Variants in DENND6B observed in about 807,000 individuals in gnomAD.
DENND6B encodes protein DENND6B.
In DENND6B, 73 loss-of-function variants were observed where a neutral mutation model predicts 85.1. That is an observed-to-expected ratio of 0.86 (90% CI 0.71 to 1.04). The LOEUF is 1.04. Ranked by LOEUF, DENND6B falls within the 50% of genes least tolerant of loss-of-function variation. The pLI, the probability that DENND6B is intolerant of heterozygous loss-of-function variation, is 0.00. For synonymous variants in DENND6B, 357 were observed against 329.3 expected, an observed-to-expected ratio of 1.08 and a Z score of -0.91; for missense variants, 715 against 785.8, an observed-to-expected ratio of 0.91 and a Z score of 1.08.
intron 13 of DENND6B, 55 bp from the exon 14 acceptor site, chr22:50,313,933 C>T (rs1248047154): frequency 1.3e-5 from 20 of 1,539,756 alleles, no homozygotes; most frequent in Non-Finnish European, 1.7e-5. Context: ...CTCCCACACT[C>T]CTGCAGCCCC....
rs189935277 is a variant in DENND6B, at chr22:50,319,726, A to G, written c.178-723T>C. 1.2e-4 allele frequency among the ~76,000 whole-genome samples: 18 copies of G among 152,036 alleles called. 1 individual carries two copies. The highest frequency in any genetic ancestry group is 3.4e-3 in the Middle Eastern group (1 of 294). ...CCAGCCTTTGCTCAGATGCAGGCCC[A>G]GAAGCACCCCTGCCCCATGATGGCA... On this transcript the variant is annotated intron_variant, in intron 1 of 19. Coordinates refer to ENST00000413817, the MANE Select transcript of DENND6B (RefSeq NM_001001794.4).
chr22:50,313,753 C>T, intron 14 of DENND6B, 29 bp from the exon 15 acceptor site: 1 of 1,606,980 alleles, frequency 6.2e-7, no homozygotes, highest in Non-Finnish European at 8.5e-7. Context: ...CAGGCCCTTG[C>T]TGCGCTTCAC....
rs1201206697 is a variant in DENND6B, at chr22:50,309,065, T to G, written c.*3074A>C. On this transcript the variant is annotated 3_prime_UTR_variant, in exon 20 of 20. Coordinates refer to ENST00000413817, the MANE Select transcript of DENND6B (RefSeq NM_001001794.4). The stretch of plus-strand genomic sequence containing the variant: ...AAAGGACATTTTAATACCAAAACTG[T>G]GGGAAGGCCACTGTTCTAGACTAAA... 6.6e-6 allele frequency: 1 copy of G among 152,194 alleles called. No homozygotes were observed. Among genetic ancestry groups the G allele is most frequent in the Non-Finnish European group, 1.5e-5 (1 of 68,048 alleles). The allele number at this position is 152,194 out of a possible 1,614,324, so 9.4% of individuals were successfully genotyped here.
Position 50,313,700 on chromosome 22 carries a change from C to A in DENND6B, c.1228G>T (p.Asp410Tyr). Residue 410 changes from aspartate to tyrosine, a missense_variant, in exon 15 of 20, where the codon GAT becomes TAT. Physicochemically the swap from Asp to Tyr is radical, Grantham distance 160. Transcript: ENST00000413817. ...LKGVQKKRPS[D>Y]VQSALLRRHL... ...CGCCGCAGCAGGGCGCTCTGCACATCTGACGGCCGCTTCTTCTGCACGCCC... is the reference window on the plus strand; with the variant it reads ...CGCCGCAGCAGGGCGCTCTGCACATATGACGGCCGCTTCTTCTGCACGCCC... 1 of 1,601,334 alleles carries A rather than the reference C, an allele frequency of 6.2e-7. No homozygotes were observed.
At position 50,317,994 on chromosome 22, in the gene DENND6B, A is replaced by G; in HGVS notation, c.286T>C (p.Phe96Leu). Residue 96 changes from phenylalanine (F) to leucine (L), a missense_variant, in exon 4 of 20, where the codon TTC becomes CTC. Transcript: ENST00000413817. ...TGCCCTCCACACTGGCGCATGCGGA[A>G]GCTGAACTGAGTGTCTCCAAGGCAG... ...SGCLGDTQFS[F>L]RMRQCGGQRS... The G allele has an allele frequency of 6.2e-7, 1 of 1,612,498 alleles. No individual in the cohort carries two copies.
Position 50,316,095 on chromosome 22 carries a change from A to T in DENND6B, c.640-8T>A. ...CCTGGATGGGATGCGCACCTGGGAG[A>T]AGGAGGGAGCAGCTGCCAGAGGGAG... On this transcript the variant is annotated splice_region_variant and splice_polypyrimidine_tract_variant and intron_variant, in intron 7 of 19. Transcript: ENST00000413817. 6.2e-7 allele frequency: 1 copy of T among 1,612,624 alleles called. No individual in the cohort carries two copies. The highest frequency in any genetic ancestry group is 8.5e-7 in the Non-Finnish European group (1 of 1,179,814).
intron 1 of DENND6B, among the ~76,000 whole-genome samples, chr22:50,323,613 G>A (rs1381906317): frequency 6.6e-6 from 1 of 151,702 alleles, no homozygotes; most frequent in Non-Finnish European, 1.5e-5. Context: ...TAGAGATGTG[G>A]GTTTTGCTAT....
chr22:50,314,058 G>A lies in DENND6B; in HGVS notation c.1138+149C>T, dbSNP rs1002126045. ...CGAGACCCACTGAAGAGAAGAGAGCGACCCCTCCCCAAGGGTTCTGAGCTC... is the reference window on the plus strand; with the variant it reads ...CGAGACCCACTGAAGAGAAGAGAGCAACCCCTCCCCAAGGGTTCTGAGCTC... On this transcript the variant is annotated intron_variant, in intron 13 of 19. Coordinates refer to ENST00000413817, the MANE Select transcript of DENND6B (RefSeq NM_001001794.4). 3.8e-5 allele frequency: 49 copies of A among 1,273,860 alleles called. No individual in the cohort carries two copies. The Admixed American group carries it at 5.7e-4, about 15-fold the overall frequency. The allele number at this position is 1,273,860 out of a possible 1,614,324, so 78.9% of individuals were successfully genotyped here. A position where few individuals can be genotyped will look rare whatever the true frequency, so the allele number is the denominator to read the frequency against.
In DENND6B at chr22:50,314,387, C is replaced by G. The variant is rs1434720083; in HGVS notation, c.1072+13G>C. On this transcript the variant is annotated intron_variant, in intron 12 of 19. Transcript: ENST00000413817. ...TCTGAGCAGCACCCCCTGCACCTCACCGGGAGCCTGACCTGACATCTTGGG... is the reference window on the plus strand; with the variant it reads ...TCTGAGCAGCACCCCCTGCACCTCAGCGGGAGCCTGACCTGACATCTTGGG... The G allele has an allele frequency of 6.4e-7, 1 of 1,563,542 alleles. No individual in the cohort carries two copies. The highest frequency in any genetic ancestry group is 1.2e-5 in the South Asian group (1 of 85,802).
At chr22:50,313,963 G>A (rs2041690071) in intron 13 of DENND6B, 85 bp from the exon 14 acceptor site, 2 of 1,464,708 alleles carry the variant, frequency 1.4e-6, no homozygotes, top group Non-Finnish European at 1.8e-6. Context: ...CCAGGGTGGG[G>A]GTCTCATCTG....
intron 1 of DENND6B, among the ~76,000 whole-genome samples, chr22:50,322,461 G>C (rs1197264373): frequency 6.6e-6 from 1 of 152,228 alleles, no homozygotes; most frequent in Admixed American, 6.5e-5. Flanking sequence ...AGTGAAAGTG[G>C]TATTCTAACT....
At chr22:50,321,204 G>A (rs527930815) in intron 1 of DENND6B, among the ~76,000 whole-genome samples, 9 of 152,188 alleles carry the variant, frequency 5.9e-5, no homozygotes, top group Non-Finnish European at 8.8e-5. Flanking sequence ...CTGGGATCCC[G>A]GGGGTCACAG....
intron 1 of DENND6B, among the ~76,000 whole-genome samples, chr22:50,321,443 C>T (rs936833111): frequency 5.9e-5 from 9 of 152,230 alleles, no homozygotes; most frequent in South Asian, 2.1e-4. Flanking sequence ...TCACTGCAAA[C>T]GCCATCTCCT....
chr22:50,313,797 C>T lies in DENND6B; in HGVS notation c.1203+17G>A, dbSNP rs2068134884. 4.3e-6 allele frequency: 7 copies of T among 1,611,502 alleles called. No individual in the cohort carries two copies. Among genetic ancestry groups the T allele is most frequent in the South Asian group, 2.2e-5 (2 of 90,926 alleles). On this transcript the variant is annotated intron_variant, in intron 14 of 19. Transcript: ENST00000413817. ...AGGCTCCCTGCGTCCCCAGCCCCTGCCCCACAAACCATATACCTTGAGCAG... is the reference window on the plus strand; with the variant it reads ...AGGCTCCCTGCGTCCCCAGCCCCTGTCCCACAAACCATATACCTTGAGCAG...
intron 1 of DENND6B, among the ~76,000 whole-genome samples, chr22:50,319,964 G>C (rs1381572701): frequency 6.6e-6 from 1 of 152,194 alleles, no homozygotes; most frequent in African/African-American, 2.4e-5. Context: ...GTGAGCCTGG[G>C]AGCCCAGCCC....
At position 50,317,338 on chromosome 22, in the gene DENND6B, G is replaced by A. The variant is rs1032780074; in HGVS notation, c.408C>T (p.Phe136=). The A allele has an allele frequency of 2.5e-6, 4 of 1,613,014 alleles. No homozygotes were observed. The highest frequency in any genetic ancestry group is 3.4e-6 in the Non-Finnish European group (4 of 1,179,714). ...TCACAGAGCTGTCCTTCACCTGCCTGAAGTACACGTAGCCGAAGTAGTGTG... is the reference window on the plus strand; with the variant it reads ...TCACAGAGCTGTCCTTCACCTGCCTAAAGTACACGTAGCCGAAGTAGTGTG... The part of the protein sequence containing the change: ...EPAHYFGYVY[F]RQVKDSSVKR... The change falls in exon 5 of 20, where the codon TTC becomes TTT. Residue 136 remains phenylalanine (F), a synonymous_variant. Transcript: ENST00000413817.
At chr22:50,314,132 C>T (rs536909297) in intron 13 of DENND6B, 75 bp downstream of exon 13, 2 of 1,499,302 alleles carry the variant, frequency 1.3e-6, no homozygotes, top group South Asian at 2.6e-5. Flanking sequence ...CCTGGCTGCC[C>T]CACCCGAGAG....
rs1287838035 is a variant in DENND6B at position 50,311,091 on chromosome 22, A to G, written c.*1048T>C. On this transcript the variant is annotated 3_prime_UTR_variant, in exon 20 of 20. Coordinates refer to ENST00000413817, the MANE Select transcript of DENND6B (RefSeq NM_001001794.4). ...TCTGCATGGCTGGCTCGCTCAGATG[A>G]GGAGTCTGAGGGTCTGAGTGGTCAG... is the stretch of plus-strand genomic sequence containing the variant. The G allele has an allele frequency of 2.0e-5, 3 of 152,192 alleles. No homozygotes were observed. The highest frequency in any genetic ancestry group is 4.4e-5 in the Non-Finnish European group (3 of 68,076). The allele number at this position is 152,192 out of a possible 1,614,324, so 9.4% of individuals were successfully genotyped here. A position where few individuals can be genotyped will look rare whatever the true frequency, so the allele number is the denominator to read the frequency against.
At chr22:50,315,510 C>A (rs550768426) in intron 9 of DENND6B, among the ~76,000 whole-genome samples, 1 of 152,356 alleles carries the variant, frequency 6.6e-6, no homozygotes, top group African/African-American at 2.4e-5. Flanking sequence ...CCAGAACTGT[C>A]CCAAGGGGTA....
Sources: gnomAD v4.1 joint callset for allele counts (sites outside exome capture counted in the v4.1 genomes callset) on GRCh38, gnomAD v4.1.1 for gene constraint, MANE v1.5 for transcripts, NCBI Gene and HGNC (gene_info 2026-07-23, HGNC 2026-07-21) for gene names.